SPOCK1: variants seen among roughly 807,000 people sequenced by gnomAD.
The protein encoded by SPOCK1 is testican-1.
Under a neutral mutation model 55.3 loss-of-function variants are expected in SPOCK1, and 23 were observed. That is an observed-to-expected ratio of 0.42 (90% CI 0.30 to 0.59). The LOEUF (loss-of-function observed/expected upper bound fraction) is 0.59. Among genes scored for constraint, SPOCK1 ranks in the 20% least tolerant of loss-of-function variants. The pLI is 0.22. For missense variants in SPOCK1, 499 were observed against 552.5 expected, an observed-to-expected ratio of 0.90 and a Z score of 0.97; for synonymous variants, 226 against 221.0, an observed-to-expected ratio of 1.02 and a Z score of -0.20.
intron 8 of SPOCK1, among the ~76,000 whole-genome samples, chr5:136,987,655 A>G (rs1750869375): frequency 6.6e-6 from 1 of 152,204 alleles, no homozygotes; most frequent in Non-Finnish European, 1.5e-5. Flanking sequence ...CTATGCATAC[A>G]TAACTTAAAT....
intron 2 of SPOCK1, among the ~76,000 whole-genome samples, chr5:137,407,159 G>A (rs891575614): frequency 6.6e-6 from 1 of 152,130 alleles, no homozygotes; most frequent in Non-Finnish European, 1.5e-5. Context: ...ATAATTTCAT[G>A]GTCTGGAAAA....
chr5:137,273,955 C>G (rs767607239), intron 2 of SPOCK1, among the ~76,000 whole-genome samples: 8 of 152,174 alleles, frequency 5.3e-5, no homozygotes, highest in Non-Finnish European at 7.3e-5. Flanking sequence ...CTAGCTGATT[C>G]AAGGATCATC....
At chr5:137,007,267 C>A (rs985155415) in intron 6 of SPOCK1, among the ~76,000 whole-genome samples, 1 of 151,692 alleles carries the variant, frequency 6.6e-6, no homozygotes, top group Non-Finnish European at 1.5e-5. Context: ...AAAGCAATTG[C>A]AACAAAAGCC....
At chr5:137,224,167 T>A (rs1383411635) in intron 3 of SPOCK1, among the ~76,000 whole-genome samples, 1 of 152,188 alleles carries the variant, frequency 6.6e-6, no homozygotes, top group Non-Finnish European at 1.5e-5. Flanking sequence ...TTGCCACAAC[T>A]TTTCTACAGG....
intron 3 of SPOCK1, among the ~76,000 whole-genome samples, chr5:137,158,959 G>C (rs1365714677): frequency 1.3e-5 from 2 of 152,132 alleles, no homozygotes; most frequent in Non-Finnish European, 2.9e-5. Context: ...TCCAGTAACA[G>C]GAAGAGACTG....
At chr5:137,467,162 G>T (rs1480561004) in intron 2 of SPOCK1, among the ~76,000 whole-genome samples, 1 of 152,250 alleles carries the variant, frequency 6.6e-6, no homozygotes, top group African/African-American at 2.4e-5. Context: ...AGAAGGGAGT[G>T]AGAGAGGGCA....
At chr5:137,121,674 T>C (rs1027929987) in intron 4 of SPOCK1, among the ~76,000 whole-genome samples, 3 of 146,684 alleles carry the variant, frequency 2.0e-5, no homozygotes, top group African/African-American at 7.4e-5. Flanking sequence ...TATAAAATTA[T>C]ATATTATATA....
At chr5:137,045,035 G>C (rs1249772058) in intron 6 of SPOCK1, among the ~76,000 whole-genome samples, 1 of 136,694 alleles carries the variant, frequency 7.3e-6, no homozygotes, top group Admixed American at 7.4e-5. Context: ...TCTTAATCCA[G>C]TCTATCATTG....
At chr5:137,191,970 C>T (rs1424311660) in intron 3 of SPOCK1, among the ~76,000 whole-genome samples, 1 of 152,082 alleles carries the variant, frequency 6.6e-6, no homozygotes, top group Non-Finnish European at 1.5e-5. Flanking sequence ...TGCAGTGGCT[C>T]ACACCTGTAA....
At chr5:137,340,880 CAAAA>C (rs553671622) in intron 2 of SPOCK1, among the ~76,000 whole-genome samples, 3 of 94,936 alleles carry the variant, frequency 3.2e-5, no homozygotes, top group Admixed American at 2.2e-4. Context: ...GATTCCATCT[CAAAA>C]AAAAAAAAAA....
intron 2 of SPOCK1, among the ~76,000 whole-genome samples, chr5:137,404,847 T>C (rs1359696668): frequency 2.6e-5 from 4 of 152,176 alleles, no homozygotes; most frequent in Non-Finnish European, 5.9e-5. Context: ...ACTAGCCTAC[T>C]GATATATAAA....
chr5:137,420,734 T>C (rs1438375706), intron 2 of SPOCK1, among the ~76,000 whole-genome samples: 2 of 152,294 alleles, frequency 1.3e-5, no homozygotes, highest in Non-Finnish European at 2.9e-5. Context: ...TCGTTGATCT[T>C]TTCAAAAAAC....
intron 2 of SPOCK1, among the ~76,000 whole-genome samples, chr5:137,280,529 G>T (rs892409246): frequency 2.6e-5 from 4 of 152,096 alleles, no homozygotes; most frequent in African/African-American, 7.2e-5. Context: ...TTTTATTTTT[G>T]CTTCCAAATT....
intron 3 of SPOCK1, among the ~76,000 whole-genome samples, chr5:137,170,100 G>T (rs1754723157): frequency 1.3e-5 from 2 of 152,154 alleles, no homozygotes; most frequent in South Asian, 4.1e-4. Context: ...TCAAGTCCCT[G>T]ATATAATAAA....
chr5:137,081,787 C>T (rs542223117), intron 5 of SPOCK1, among the ~76,000 whole-genome samples: 5 of 152,286 alleles, frequency 3.3e-5, no homozygotes, highest in South Asian at 4.1e-4. Flanking sequence ...TAGTGCTGAA[C>T]GAAAAAGCCA....
intron 3 of SPOCK1, among the ~76,000 whole-genome samples, chr5:137,174,214 G>A (rs925614164): frequency 6.6e-6 from 1 of 152,200 alleles, no homozygotes; most frequent in African/African-American, 2.4e-5. Context: ...CTTCTGGAAA[G>A]AGGGACTCTT....
At chr5:137,220,837 C>G (rs964383790) in intron 3 of SPOCK1, among the ~76,000 whole-genome samples, 3 of 152,308 alleles carry the variant, frequency 2.0e-5, no homozygotes, top group African/African-American at 7.2e-5. Flanking sequence ...CTTTCTCGGG[C>G]ACACACATGG....
At chr5:137,487,333 CAAAAAAAAAAAA>C (rs11330611) in intron 2 of SPOCK1, among the ~76,000 whole-genome samples, 7 of 53,322 alleles carry the variant, frequency 1.3e-4, no homozygotes, top group African/African-American at 4.6e-4. Context: ...TCTGATCTTT[CAAAAAAAAAAAA>C]AAAAAAAAAC....
Position 137,497,675 on chromosome 5 carries a change from C to A in SPOCK1, c.186+698G>T, listed in dbSNP as rs114159468. Reference sequence around the variant, plus strand: ...TGTGTTTCTGCGTGTCCGGGAGTAACTTTCTCCACTCCCAGGGCTCCCACG... The same window carrying A: ...TGTGTTTCTGCGTGTCCGGGAGTAAATTTCTCCACTCCCAGGGCTCCCACG... On this transcript the variant is annotated intron_variant, in intron 2 of 10. Transcript: ENST00000394945. 3.0e-3 allele frequency among the ~76,000 whole-genome samples: 459 copies of A among 152,276 alleles called. 3 individuals carry two copies. Among genetic ancestry groups the A allele is most frequent in the African/African-American group, 0.011 (445 of 41,558 alleles).
Sources: gnomAD v4.1 joint callset for allele counts (sites outside exome capture counted in the v4.1 genomes callset) on GRCh38, gnomAD v4.1.1 for gene constraint, MANE v1.5 for transcripts, NCBI Gene and HGNC (gene_info 2026-07-23, HGNC 2026-07-21) for gene names.